The following MXRA8 variants were observed in gnomAD, a reference collection of about 807,000 sequenced individuals.
MXRA8 encodes matrix remodeling associated 8.
Under a neutral mutation model 51.4 loss-of-function variants are expected in MXRA8, and 44 were observed. The ratio of observed to expected loss-of-function variants is 0.86; its 90% CI spans 0.67 to 1.10. The LOEUF is 1.10. MXRA8 is among the 50% of genes least tolerant of loss of function. The pLI is 0.00. For missense variants in MXRA8, 765 were observed against 638.9 expected (o/e 1.20, Z -2.13); for synonymous variants, 369 against 293.5 (o/e 1.26, Z -2.63).
chr1:1,354,914 C>G lies in MXRA8; in HGVS notation c.717G>C (p.Leu239=). 1 of 1,609,354 alleles carries G rather than the reference C, an allele frequency of 6.2e-7. No individual in the cohort carries two copies. The highest frequency in any genetic ancestry group is 1.1e-5 in the South Asian group (1 of 90,812). The change falls in exon 5 of 10, where the codon CTG becomes CTC. Residue 239 remains leucine (L), a synonymous_variant. Coordinates refer to ENST00000309212, the MANE Select transcript of MXRA8 (RefSeq NM_032348.4). ...GERRAYGPLF[L]RDRVAVGADA... ...CCGCGCCCACAGCCACGCGGTCGCGCAGAAAAAGGGGCCCGTAGGCGCGGC... is the reference window on the plus strand; with the variant it reads ...CCGCGCCCACAGCCACGCGGTCGCGGAGAAAAAGGGGCCCGTAGGCGCGGC...
Position 1,354,339 on chromosome 1 carries a change from C to T in MXRA8, c.1105+15G>A, listed in dbSNP as rs766603779. 67 of 1,605,870 alleles carry T rather than the reference C, an allele frequency of 4.2e-5. No individual in the cohort carries two copies. The highest frequency in any genetic ancestry group is 5.4e-5 in the Non-Finnish European group (64 of 1,176,788). ...CAGTCTCCTGGGGCCGCTGGCTTTGCCGGGGCAGCCTCACCTCCGCGGCGC... is the reference window on the plus strand; with the variant it reads ...CAGTCTCCTGGGGCCGCTGGCTTTGTCGGGGCAGCCTCACCTCCGCGGCGC... On this transcript the variant is annotated intron_variant, in intron 6 of 9. Transcript: ENST00000309212.
rs1446890429 is a variant in MXRA8 at position 1,356,682 on chromosome 1, T to A, written c.72A>T (p.Ser24=). 1 of 1,414,626 alleles carries A rather than the reference T, an allele frequency of 7.1e-7. No homozygotes were observed. Among genetic ancestry groups the A allele is most frequent in the Admixed American group, 2.4e-5 (1 of 41,638 alleles). 87.6% of individuals were successfully genotyped at this position (1,414,626 alleles called of 1,614,324 possible). A position where few individuals can be genotyped will look rare whatever the true frequency, so the allele number is the denominator to read the frequency against. ...GCAGCTGGGGCTGGGGTCACTAACC[T>A]GAGTGCAGGAGAACAGCAGAGCCTG... ...LLQSSAVLLH[S]GSSVPAAAGS... is the part of the protein sequence containing the mutation. Residue 24 remains serine (S), a splice_region_variant and synonymous_variant, in exon 2 of 10, where the codon TCA becomes TCT. Coordinates refer to ENST00000309212, the MANE Select transcript of MXRA8 (RefSeq NM_032348.4).
intron 8 of MXRA8, 50 bp downstream of exon 8, chr1:1,353,980 C>G: frequency 1.3e-6 from 2 of 1,493,054 alleles, no homozygotes; most frequent in Non-Finnish European, 1.8e-6. Context: ...CACTTCCCAG[C>G]CCGGGACTGG....
chr1:1,359,880 C>A (rs115567783), upstream of MXRA8, among the ~76,000 whole-genome samples: 124 of 152,306 alleles, frequency 8.1e-4, no homozygotes, highest in African/African-American at 2.9e-3. Flanking sequence ...GCCTCGAGGC[C>A]TCTGCTGGCC....
At chr1:1,354,568 C>T (rs1644078423) in intron 5 of MXRA8, 59 bp from the exon 6 acceptor site, 17 of 1,574,902 alleles carry the variant, frequency 1.1e-5, no homozygotes, top group Non-Finnish European at 1.5e-5. Context: ...CGCCCCGACC[C>T]GGGCCACGGC....
upstream of MXRA8, among the ~76,000 whole-genome samples, chr1:1,362,055 C>T (rs901630199): frequency 3.3e-5 from 5 of 152,232 alleles, no homozygotes; most frequent in African/African-American, 9.6e-5. Context: ...CTGTTCCCGG[C>T]CATGTCCCTG....
At position 1,353,574 on chromosome 1, in the gene MXRA8, T is replaced by C; in HGVS notation, c.*30A>G. 1 of 1,556,496 alleles carries C rather than the reference T, an allele frequency of 6.4e-7. No individual in the cohort carries two copies. The highest frequency in any genetic ancestry group is 8.7e-7 in the Non-Finnish European group (1 of 1,149,802). Reference sequence around the variant, plus strand: ...GGAGCACAGACAGGAGAGGTGCAGCTGCTGGCCCAGCCAGGAGCCCAGGGC... The same window carrying C: ...GGAGCACAGACAGGAGAGGTGCAGCCGCTGGCCCAGCCAGGAGCCCAGGGC... On this transcript the variant is annotated 3_prime_UTR_variant, in exon 10 of 10. Coordinates refer to ENST00000309212, the MANE Select transcript of MXRA8 (RefSeq NM_032348.4).
chr1:1,360,973 GAT>G (rs1302200791), upstream of MXRA8, among the ~76,000 whole-genome samples: 18 of 98,654 alleles, frequency 1.8e-4, no homozygotes, highest in Non-Finnish European at 3.2e-4. Context: ...GACACACAGA[GAT>G]ACACGGAAAC....
Position 1,355,668 on chromosome 1 carries a change from C to T in MXRA8, c.158G>A (p.Arg53His). 7.3e-7 allele frequency: 1 copy of T among 1,379,094 alleles called. No individual in the cohort carries two copies. Among genetic ancestry groups the T allele is most frequent in the Non-Finnish European group, 9.3e-7 (1 of 1,072,656 alleles). The allele number at this position is 1,379,094 out of a possible 1,614,324, so 85.4% of individuals were successfully genotyped here. A position where few individuals can be genotyped will look rare whatever the true frequency, so the allele number is the denominator to read the frequency against. ...SWEAGARAVL[R>H]CQSPRMVWTQ... ...CCACACCATGCGCGGGCTCTGGCAG[C>T]GCAGCACCGCCCGGGCGCCCGCCTC... The change falls in exon 3 of 10, where the codon CGC becomes CAC. Residue 53 changes from arginine (R) to histidine (H), a missense_variant. Physicochemically the swap from Arg to His is conservative, Grantham distance 29. Coordinates refer to ENST00000309212, the MANE Select transcript of MXRA8 (RefSeq NM_032348.4).
chr1:1,358,627 G>A, upstream of MXRA8: 4 of 1,447,910 alleles, frequency 2.8e-6, no homozygotes, highest in African/African-American at 1.4e-5. Flanking sequence ...GCCTGTCTAC[G>A]GTCTGGGGAC....
Position 1,355,442 on chromosome 1 carries a change from C to G in MXRA8, c.376+8G>C. The G allele has an allele frequency of 6.7e-7, 1 of 1,491,320 alleles. No homozygotes were observed. The highest frequency in any genetic ancestry group is 8.8e-7 in the Non-Finnish European group (1 of 1,129,966). 92.4% of individuals were successfully genotyped at this position (1,491,320 alleles called of 1,614,324 possible). A position where few individuals can be genotyped will look rare whatever the true frequency, so the allele number is the denominator to read the frequency against. ...CGACCCCGCGGCCCCGGTCCCCGGT[C>G]CCCGCACCGCGGATGAGCAGCGAGA... is the stretch of plus-strand genomic sequence containing the variant. On this transcript the variant is annotated splice_region_variant and intron_variant, in intron 3 of 9. Coordinates refer to ENST00000309212, the MANE Select transcript of MXRA8 (RefSeq NM_032348.4).
At chr1:1,356,565 C>A in intron 2 of MXRA8, 116 bp downstream of exon 2, 1 of 590,846 alleles carries the variant, frequency 1.7e-6, no homozygotes. Flanking sequence ...TCCTGATGAG[C>A]AAGGGGGAAT....
rs1270464010 is a variant in MXRA8, at chr1:1,353,451, G to A, written c.*153C>T. 4 of 1,504,796 alleles carry A rather than the reference G, an allele frequency of 2.7e-6. No individual in the cohort carries two copies. In the African/African-American group the frequency reaches 5.6e-5, roughly 21 times the overall value. 93.2% of individuals were successfully genotyped at this position (1,504,796 alleles called of 1,614,324 possible). The stretch of plus-strand genomic sequence containing the variant: ...GCCACCAAGCCCCTGGGAGAGGGGT[G>A]TGGAGGCGGCCTCTGCATACGCCCA... On this transcript the variant is annotated 3_prime_UTR_variant, in exon 10 of 10. Coordinates refer to ENST00000309212, the MANE Select transcript of MXRA8 (RefSeq NM_032348.4).
At chr1:1,360,949 C>T (rs1488965515), upstream of MXRA8, among the ~76,000 whole-genome samples, 2 of 150,482 alleles carry the variant, frequency 1.3e-5, no homozygotes, top group Admixed American at 1.3e-4. Context: ...CACGCATGCA[C>T]ATGAAGACAC....
intron 1 of MXRA8, 114 bp from the exon 2 acceptor site, chr1:1,356,818 C>T: frequency 2.1e-6 from 2 of 930,588 alleles, no homozygotes; most frequent in Non-Finnish European, 2.9e-6. Context: ...CTGTGACACC[C>T]ACTTCAGTGC....
At chr1:1,355,374 A>C in intron 3 of MXRA8, 29 bp from the exon 4 acceptor site, 1 of 1,557,616 alleles carries the variant, frequency 6.4e-7, no homozygotes, top group Non-Finnish European at 8.6e-7. Flanking sequence ...GCCGCGCGTG[A>C]GCCTTGCGGT....
In MXRA8 at chr1:1,353,866, A is replaced by C. The variant is rs1208584663; in HGVS notation, c.1285T>G (p.Tyr429Asp). Residue 429 changes from tyrosine to aspartate, a missense_variant, in exon 9 of 10, where the codon TAC (tyrosine) becomes GAC (aspartate). Coordinates refer to ENST00000309212, the MANE Select transcript of MXRA8 (RefSeq NM_032348.4). ...CGCTCACCTTTGTCTAGGTCGATGT[A>C]CTTGGCAGGCAGGGGGCTGTGGGCC... ...ELAHSPLPAK[Y>D]IDLDKGFRKE... The C allele has an allele frequency of 6.2e-7, 1 of 1,603,144 alleles. No individual in the cohort carries two copies. Among genetic ancestry groups the C allele is most frequent in the Non-Finnish European group, 8.5e-7 (1 of 1,174,820 alleles).
chr1:1,354,159 T>C, intron 7 of MXRA8, 34 bp downstream of exon 7: 1 of 1,612,726 alleles, frequency 6.2e-7, no homozygotes. Flanking sequence ...AAGGGGGCCC[T>C]GGTCCCCAGG....
In MXRA8 at chr1:1,355,036, C is replaced by T. The variant is rs1406045666; in HGVS notation, c.595G>A (p.Glu199Lys). 3 of 1,608,114 alleles carry T rather than the reference C, an allele frequency of 1.9e-6. No homozygotes were observed. The highest frequency in any genetic ancestry group is 2.2e-5 in the East Asian group (1 of 44,686). Residue 199 changes from glutamate to lysine, a missense_variant, in exon 5 of 10, where the codon GAG becomes AAG. By Grantham distance (56) the Glu-to-Lys change is moderately conservative. Coordinates refer to ENST00000309212, the MANE Select transcript of MXRA8 (RefSeq NM_032348.4). ...RGHVWTDRHV[E>K]EAQQVVHWDR... ...CAGTGCACCACCTGTTGAGCCTCCT[C>T]CACGTGCCGGTCGGTCCACACGTGC...
Sources: gnomAD v4.1 joint callset for allele counts (sites outside exome capture counted in the v4.1 genomes callset) on GRCh38, gnomAD v4.1.1 for gene constraint, MANE v1.5 for transcripts, NCBI Gene and HGNC (gene_info 2026-07-23, HGNC 2026-07-21) for gene names.